XPO7: variants seen among roughly 807,000 people sequenced by gnomAD.
The protein encoded by XPO7 is exportin-7.
Under a neutral mutation model 144.3 loss-of-function variants are expected in XPO7, and 21 were observed. The ratio of observed to expected loss-of-function variants is 0.15; its 90% CI spans 0.10 to 0.21. The LOEUF (loss-of-function observed/expected upper bound fraction) is 0.21. Among genes scored for constraint, XPO7 ranks in the 10% least tolerant of loss-of-function variants. The pLI is 1.00. For missense variants in XPO7, 808 were observed against 1,325.8 expected (o/e 0.61, Z 6.06); for synonymous variants, 580 against 499.6 (o/e 1.16, Z -2.15).
chr8:22,003,511 T>C (rs527857031), intron 26 of XPO7, among the ~76,000 whole-genome samples, 194 bp downstream of exon 26: 1 of 152,326 alleles, frequency 6.6e-6, no homozygotes, highest in Non-Finnish European at 1.5e-5. Flanking sequence ...TCAGCATGTG[T>C]GGTAGCTCAC....
intron 1 of XPO7, among the ~76,000 whole-genome samples, chr8:21,958,573 C>T (rs1402830262): frequency 6.6e-6 from 1 of 151,400 alleles, no homozygotes; most frequent in Non-Finnish European, 1.5e-5. Context: ...AGTGAAATTA[C>T]CGACAAAAAG....
chr8:22,003,394 A>C (rs938566345), intron 26 of XPO7, 77 bp downstream of exon 26: 2 of 1,175,382 alleles, frequency 1.7e-6, no homozygotes, highest in Admixed American at 2.3e-5. Context: ...CCCTGGGAGA[A>C]ATGTGTATAG....
At chr8:21,957,392 A>G (rs1164483261) in intron 1 of XPO7, among the ~76,000 whole-genome samples, 1 of 152,140 alleles carries the variant, frequency 6.6e-6, no homozygotes, top group East Asian at 1.9e-4. Flanking sequence ...TCACCTTAAC[A>G]TCTGAGCATG....
At chr8:21,949,248 TAA>T (rs1408050946) in intron 1 of XPO7, among the ~76,000 whole-genome samples, 1 of 152,198 alleles carries the variant, frequency 6.6e-6, no homozygotes, top group Admixed American at 6.5e-5. Flanking sequence ...CATTTATAAT[TAA>T]GTGACTTTAC....
intron 1 of XPO7, among the ~76,000 whole-genome samples, chr8:21,932,659 C>T (rs1490625386): frequency 6.6e-6 from 1 of 152,158 alleles, no homozygotes; most frequent in Non-Finnish European, 1.5e-5. Context: ...AACTGTCTGT[C>T]TTCTTCCTTT....
intron 18 of XPO7, 143 bp downstream of exon 18, chr8:21,991,062 A>G (rs1013906715): frequency 1.6e-5 from 12 of 742,332 alleles, no homozygotes; most frequent in Admixed American, 1.4e-4. Flanking sequence ...GCCTGATTTC[A>G]CCAAGAACAG....
chr8:21,995,893 C>A (rs2117393449), intron 21 of XPO7, among the ~76,000 whole-genome samples: 1 of 152,270 alleles, frequency 6.6e-6, no homozygotes, highest in East Asian at 1.9e-4. Context: ...CGGCTCACTG[C>A]AAGCTCCATC....
At chr8:21,941,607 A>G (rs1810997123) in intron 1 of XPO7, among the ~76,000 whole-genome samples, 1 of 152,202 alleles carries the variant, frequency 6.6e-6, no homozygotes, top group Non-Finnish European at 1.5e-5. Flanking sequence ...TTTTCCAAAT[A>G]TTTTCAATCC....
intron 11 of XPO7, among the ~76,000 whole-genome samples, chr8:21,983,201 T>G (rs148945674): frequency 3.2e-4 from 48 of 152,368 alleles, no homozygotes; most frequent in African/African-American, 1.1e-3. Context: ...GGATAAAGAT[T>G]ACACAATCTA....
At chr8:22,004,835 A>G (rs1444553734) in intron 27 of XPO7, among the ~76,000 whole-genome samples, 160 bp from the exon 28 acceptor site, 1 of 151,832 alleles carries the variant, frequency 6.6e-6, no homozygotes, top group African/African-American at 2.4e-5. Context: ...CTCTAAGCCA[A>G]CTTTTCTCTT....
At chr8:21,925,576 G>A (rs1810432969) in intron 1 of XPO7, among the ~76,000 whole-genome samples, 1 of 152,180 alleles carries the variant, frequency 6.6e-6, no homozygotes, top group Non-Finnish European at 1.5e-5. Context: ...GTGTGACTTG[G>A]TTGGTCATAG....
chr8:21,920,114 G>T (rs1810222298), intron 1 of XPO7, among the ~76,000 whole-genome samples: 1 of 149,810 alleles, frequency 6.7e-6, no homozygotes, highest in African/African-American at 2.4e-5. Context: ...AAGTCCTCGG[G>T]CCCCCCCGCC....
chr8:21,962,201 T>C (rs957463070), intron 1 of XPO7, among the ~76,000 whole-genome samples: 3 of 152,216 alleles, frequency 2.0e-5, no homozygotes, highest in Non-Finnish European at 4.4e-5. Context: ...GTGAACTCTA[T>C]TGTAGTAAGT....
At chr8:21,991,206 G>A (rs138045570) in intron 18 of XPO7, among the ~76,000 whole-genome samples, 2 of 152,278 alleles carry the variant, frequency 1.3e-5, no homozygotes, top group African/African-American at 4.8e-5. Context: ...ATTCCTAAAT[G>A]TATCTTTTTG....
At chr8:21,977,480 G>A (rs372294371) in intron 7 of XPO7, among the ~76,000 whole-genome samples, 9 of 152,320 alleles carry the variant, frequency 5.9e-5, no homozygotes, top group African/African-American at 2.2e-4. Flanking sequence ...TCTGGAGGCT[G>A]AGGCAGGAGA....
At chr8:21,971,224 C>G (rs1812051783) in intron 4 of XPO7, among the ~76,000 whole-genome samples, 1 of 152,148 alleles carries the variant, frequency 6.6e-6, no homozygotes, top group Non-Finnish European at 1.5e-5. Flanking sequence ...TGTAAGTACA[C>G]TCTATGATGT....
chr8:21,980,332 C>A, intron 9 of XPO7, 129 bp downstream of exon 9: 6 of 1,197,290 alleles, frequency 5.0e-6, no homozygotes, highest in Non-Finnish European at 6.6e-6. Flanking sequence ...TGAAGTGAAT[C>A]TCTATTTGTA....
In XPO7 at chr8:21,936,252, T is replaced by TTG. The variant is rs371087860; in HGVS notation, c.18+16467_18+16468dup. Among the ~76,000 whole-genome samples, 1,141 of 152,316 alleles carry TTG rather than the reference T, an allele frequency of 7.5e-3. 13 individuals carry two copies. The highest frequency in any genetic ancestry group is 0.026 in the African/African-American group (1,092 of 41,550). Reference sequence around the variant, plus strand: ...TCAAGTCATTCCGATTAGCAGCCATTTGTGGATCACTGATAATTATTCCTT... The same window carrying TTG: ...TCAAGTCATTCCGATTAGCAGCCATTTGTGTGGATCACTGATAATTATTCCTT... On this transcript the variant is annotated intron_variant, in intron 1 of 27. Coordinates refer to ENST00000252512, the MANE Select transcript of XPO7 (RefSeq NM_015024.5).
At chr8:21,977,263 G>C (rs1165347666) in intron 7 of XPO7, among the ~76,000 whole-genome samples, 1 of 152,160 alleles carries the variant, frequency 6.6e-6, no homozygotes, top group Non-Finnish European at 1.5e-5. Flanking sequence ...CTGTTTCTTA[G>C]AGAAGCTAAA....
Sources: allele counts gnomAD v4.1 joint callset (sites outside exome capture counted in the v4.1 genomes callset), GRCh38; gene constraint gnomAD v4.1.1; transcripts MANE v1.5; gene names NCBI Gene and HGNC (gene_info 2026-07-23, HGNC 2026-07-21).